Variants in ZNF654 observed in about 807,000 individuals in gnomAD.
ZNF654 encodes melanoma-associated antigen.
Under a neutral mutation model 95.3 loss-of-function variants are expected in ZNF654, and 19 were observed. That is an observed-to-expected ratio of 0.20 (90% CI 0.14 to 0.29). The LOEUF is 0.29. ZNF654 is among the 10% of genes least tolerant of loss of function. The probability of loss-of-function intolerance (pLI) is 1.00; values close to 1 mark genes in which losing one functional copy is unlikely to be tolerated. For synonymous variants in ZNF654, 413 were observed against 457.9 expected (o/e 0.90, Z 1.25); for missense variants, 1,046 against 1,341.0 (o/e 0.78, Z 3.44).
chr3:88,071,512 A>G (rs4638995), intron 1 of ZNF654, among the ~76,000 whole-genome samples: 119,219 of 152,202 alleles, frequency 0.78, 47,624 homozygotes, highest in South Asian at 0.91. Context: ...TGGGCGCGGT[A>G]GCGGGCGCCT....
At chr3:88,138,610 G>C in intron 7 of ZNF654, 95 bp from the exon 8 acceptor site, 1 of 701,432 alleles carries the variant, frequency 1.4e-6, no homozygotes, top group African/African-American at 1.8e-5. Flanking sequence ...TGTTTATTCA[G>C]CTTTCATTTT....
At chr3:88,111,102 G>C (rs1001648594) in intron 2 of ZNF654, among the ~76,000 whole-genome samples, 6 of 151,974 alleles carry the variant, frequency 3.9e-5, no homozygotes, top group South Asian at 2.1e-4. Flanking sequence ...TGGATTTTGA[G>C]TAAGTATGGA....
At chr3:88,068,660 T>C (rs770137873) in intron 1 of ZNF654, among the ~76,000 whole-genome samples, 2 of 152,176 alleles carry the variant, frequency 1.3e-5, no homozygotes, top group African/African-American at 2.4e-5. Context: ...TGTATATATG[T>C]ATATAACTCA....
intron 1 of ZNF654, among the ~76,000 whole-genome samples, chr3:88,080,700 G>A (rs1467612286): frequency 6.6e-6 from 1 of 152,030 alleles, no homozygotes; most frequent in Admixed American, 6.5e-5. Flanking sequence ...CAAATCTTGA[G>A]GTGCAAATAG....
At position 88,140,085 on chromosome 3, in the gene ZNF654, C is replaced by G. The variant is rs1707028443; in HGVS notation, c.2416C>G (p.Leu806Val). Residue 806 changes from leucine (L) to valine (V), a missense_variant, in exon 8 of 9, where the codon CTT (leucine) becomes GTT (valine). This residue lies in a region of ZNF654 where 495 missense variants were observed against 537.0 expected (regional missense o/e 0.92). Transcript: ENST00000636215. The stretch of plus-strand genomic sequence containing the variant: ...AGATTCTCAACATTTTATAGACCAC[C>G]TTAATAGACATAGCTATCCAAATGT... ...FEDSQHFIDHLNRHSYPNVYF... is the reference protein window; with the variant it reads ...FEDSQHFIDHVNRHSYPNVYF... The G allele has an allele frequency of 1.2e-6, 2 of 1,613,822 alleles. No homozygotes were observed. The highest frequency in any genetic ancestry group is 1.7e-5 in the Admixed American group (1 of 59,980).
chr3:88,100,164 G>A (rs1021243081), intron 2 of ZNF654, among the ~76,000 whole-genome samples: 6 of 152,096 alleles, frequency 3.9e-5, no homozygotes, highest in Non-Finnish European at 5.9e-5. Flanking sequence ...AGTGGGTGCC[G>A]GATATGAACA....
intron 1 of ZNF654, among the ~76,000 whole-genome samples, chr3:88,076,477 TAAGG>T (rs1707808268): frequency 6.6e-6 from 1 of 152,220 alleles, no homozygotes; most frequent in African/African-American, 2.4e-5. Flanking sequence ...CTTTTATTCC[TAAGG>T]AAGTCCCTCT....
intron 6 of ZNF654, among the ~76,000 whole-genome samples, chr3:88,133,535 T>G (rs912290140): frequency 3.3e-5 from 5 of 152,146 alleles, no homozygotes; most frequent in Admixed American, 6.6e-5. Context: ...AAGAGATACT[T>G]GATAGGGCCT....
chr3:88,122,697 A>G (rs1705841896), intron 3 of ZNF654, among the ~76,000 whole-genome samples: 1 of 152,162 alleles, frequency 6.6e-6, no homozygotes, highest in Non-Finnish European at 1.5e-5. Flanking sequence ...TTATTATTTA[A>G]GTAAATATTC....
At chr3:88,099,525 C>G (rs1381319914) in intron 2 of ZNF654, among the ~76,000 whole-genome samples, 1 of 149,606 alleles carries the variant, frequency 6.7e-6, no homozygotes, top group Non-Finnish European at 1.5e-5. Flanking sequence ...CCAAGACAAT[C>G]CTAAGCCAAA....
At chr3:88,085,953 G>T (rs954395683) in intron 1 of ZNF654, among the ~76,000 whole-genome samples, 1 of 151,950 alleles carries the variant, frequency 6.6e-6, no homozygotes, top group Admixed American at 6.6e-5. Flanking sequence ...TTGAATAATT[G>T]TTATTTTCAC....
intron 2 of ZNF654, among the ~76,000 whole-genome samples, chr3:88,096,215 C>A (rs1365858414): frequency 6.6e-6 from 1 of 151,926 alleles, no homozygotes; most frequent in South Asian, 2.1e-4. Flanking sequence ...GTTAGATGAT[C>A]TGAGAGAATA....
At chr3:88,122,694 TTAAG>T (rs1205051534) in intron 3 of ZNF654, among the ~76,000 whole-genome samples, 1 of 152,068 alleles carries the variant, frequency 6.6e-6, no homozygotes, top group Non-Finnish European at 1.5e-5. Context: ...AATTTATTAT[TTAAG>T]TAAATATTCT....
At chr3:88,084,351 A>G (rs1250378181) in intron 1 of ZNF654, among the ~76,000 whole-genome samples, 1 of 152,210 alleles carries the variant, frequency 6.6e-6, no homozygotes, top group Non-Finnish European at 1.5e-5. Context: ...CCTATTTTTT[A>G]TGTGGCACCG....
rs1302086323 is a variant in ZNF654 at position 88,139,244 on chromosome 3, T to C, written c.1575T>C (p.Asn525=). Residue 525 remains asparagine, a synonymous_variant, in exon 8 of 9, where the codon AAT becomes AAC. Coordinates refer to ENST00000636215, the MANE Select transcript of ZNF654 (RefSeq NM_001350134.2). Reference sequence around the variant, plus strand: ...GAGTGCAGCCTAAAGGTCATATTAATACGAAGAAAAATCTTACAGCTCTCA... The same window carrying C: ...GAGTGCAGCCTAAAGGTCATATTAACACGAAGAAAAATCTTACAGCTCTCA... ...VSGVQPKGHI[N]TKKNLTALST... 1.4e-5 allele frequency: 22 copies of C among 1,519,334 alleles called. No homozygotes were observed. Among genetic ancestry groups the C allele is most frequent in the Non-Finnish European group, 1.9e-5 (22 of 1,139,154 alleles). 94.1% of individuals were successfully genotyped at this position (1,519,334 alleles called of 1,614,324 possible). A position where few individuals can be genotyped will look rare whatever the true frequency, so the allele number is the denominator to read the frequency against.
rs543094963 is a variant in ZNF654, at chr3:88,091,399, T to C, written c.332+4997T>C. Among the ~76,000 whole-genome samples, 11 of 152,350 alleles carry C rather than the reference T, an allele frequency of 7.2e-5. No individual in the cohort carries two copies. The East Asian group carries it at 1.5e-3, about 21-fold the overall frequency. On this transcript the variant is annotated intron_variant, in intron 2 of 8. Coordinates refer to ENST00000636215, the MANE Select transcript of ZNF654 (RefSeq NM_001350134.2). ...TCTCTACTGATTTTTGAGGAAAATA[T>C]GTATTAAAATAAATTATTCGTAAGG...
At chr3:88,101,694 C>T (rs1366400555) in intron 2 of ZNF654, among the ~76,000 whole-genome samples, 1 of 152,092 alleles carries the variant, frequency 6.6e-6, no homozygotes, top group African/African-American at 2.4e-5. Flanking sequence ...GATACCTAGG[C>T]ATAGAATTGT....
At chr3:88,091,971 T>TA (rs1199196709) in intron 2 of ZNF654, among the ~76,000 whole-genome samples, 1 of 152,200 alleles carries the variant, frequency 6.6e-6, no homozygotes, top group African/African-American at 2.4e-5. Flanking sequence ...ACTGCCCATG[T>TA]AAAAAATAAT....
rs1477759865 is a variant in ZNF654, at chr3:88,059,272, C to A, written c.-48C>A. The A allele has an allele frequency of 1.3e-6, 2 of 1,531,598 alleles. No individual in the cohort carries two copies. The highest frequency in any genetic ancestry group is 1.4e-5 in the African/African-American group (1 of 72,952). The allele number at this position is 1,531,598 out of a possible 1,614,324, so 94.9% of individuals were successfully genotyped here. ...AGGAGGTTAGCCTAGGCATCTACGG[C>A]GGCGGCGGCGGCGCAGGGGCTGGTA... On this transcript the variant is annotated 5_prime_UTR_variant, in exon 1 of 9. Coordinates refer to ENST00000636215, the MANE Select transcript of ZNF654 (RefSeq NM_001350134.2).
Sources: allele counts gnomAD v4.1 joint callset (sites outside exome capture counted in the v4.1 genomes callset), GRCh38; gene constraint gnomAD v4.1.1; regional missense constraint gnomAD v4.1.1; transcripts MANE v1.5; gene names NCBI Gene and HGNC (gene_info 2026-07-23, HGNC 2026-07-21).